The following HSPG2 variants were observed in gnomAD, a reference collection of about 807,000 sequenced individuals.
HSPG2 encodes the protein basement membrane-specific heparan sulfate proteoglycan core protein.
A neutral mutation model predicts 526.6 loss-of-function variants in HSPG2; 278 were observed. That is an observed-to-expected ratio of 0.53 (90% confidence interval 0.48 to 0.58). The LOEUF is 0.58. Among genes scored for constraint, HSPG2 ranks in the 20% least tolerant of loss-of-function variants. HSPG2 has a pLI of 0.00. For synonymous variants in HSPG2, 2,465 were observed against 2,555.4 expected (o/e 0.96, Z 1.07); for missense variants, 5,354 against 6,099.5 (o/e 0.88, Z 4.07).
chr1:21,834,714 C>T lies in HSPG2; in HGVS notation c.10685G>A (p.Gly3562Asp), dbSNP rs1249890156. Residue 3562 changes from glycine (G) to aspartate (D), a missense_variant, in exon 77 of 97, where the codon GGC becomes GAC. Coordinates refer to ENST00000374695, the MANE Select transcript of HSPG2 (RefSeq NM_005529.7). ...QYRCTATNAAGTTQSHVLLLV... is the reference protein window; with the variant it reads ...QYRCTATNAADTTQSHVLLLV... ...CAGCAGGACGTGGGATTGTGTGGTGCCAGCTGCGTTGGTGGCAGTGCAGCG... is the reference window on the plus strand; with the variant it reads ...CAGCAGGACGTGGGATTGTGTGGTGTCAGCTGCGTTGGTGGCAGTGCAGCG... 6.2e-7 allele frequency: 1 copy of T among 1,614,198 alleles called. No homozygotes were observed. The highest frequency in any genetic ancestry group is 2.2e-5 in the East Asian group (1 of 44,874).
intron 48 of HSPG2, 40 bp downstream of exon 48, chr1:21,854,808 G>A (rs1408841331): frequency 6.2e-7 from 1 of 1,613,006 alleles, no homozygotes; most frequent in South Asian, 1.1e-5. Flanking sequence ...GGGAGCCCTG[G>A]CTTGCCCTCC....
chr1:21,826,309 ATCC>A (rs1267049377), intron 91 of HSPG2, among the ~76,000 whole-genome samples: 1 of 151,854 alleles, frequency 6.6e-6, no homozygotes, highest in Non-Finnish European at 1.5e-5. Context: ...GGCTCAAGCA[ATCC>A]TCCTGCCTGT....
chr1:21,839,256 C>A lies in HSPG2; in HGVS notation c.9889+115G>T. 6.9e-7 allele frequency: 1 copy of A among 1,442,424 alleles called. No homozygotes were observed. Among genetic ancestry groups the A allele is most frequent in the Non-Finnish European group, 9.6e-7 (1 of 1,040,204 alleles). 89.4% of individuals were successfully genotyped at this position (1,442,424 alleles called of 1,614,324 possible). ...GTGTCGGGCAGGGCAGGCTCCAGGACCCTGCAGCGCCTGGAGACCTCTGGA... is the reference window on the plus strand; with the variant it reads ...GTGTCGGGCAGGGCAGGCTCCAGGAACCTGCAGCGCCTGGAGACCTCTGGA... On this transcript the variant is annotated intron_variant, in intron 73 of 96. Transcript: ENST00000374695. The surrounding 1 kb of genome is among the most constrained non-coding windows in gnomAD (Gnocchi z 4.5).
Position 21,873,067 on chromosome 1 carries a change from A to T in HSPG2, c.3818T>A (p.Ile1273Lys), listed in dbSNP as rs148626419. Residue 1273 changes from isoleucine (I) to lysine (K), a missense_variant, in exon 31 of 97, where the codon ATA (isoleucine) becomes AAA (lysine). By Grantham distance (102) the Ile-to-Lys change is moderately radical. Coordinates refer to ENST00000374695, the MANE Select transcript of HSPG2 (RefSeq NM_005529.7). ...CQRDSQVPGPIGCNCDPQGSV... is the reference protein window; with the variant it reads ...CQRDSQVPGPKGCNCDPQGSV... ...GCCTTGGGGGTCACAGTTGCAGCCT[A>T]TGGGCCCTGGCACCTGGCTGTCTCC... 1.2e-6 allele frequency: 2 copies of T among 1,602,232 alleles called. No homozygotes were observed. The highest frequency in any genetic ancestry group is 1.1e-5 in the South Asian group (1 of 91,084).
chr1:21,881,680 C>T lies in HSPG2; in HGVS notation c.1655-178G>A, dbSNP rs116507762. Among the ~76,000 whole-genome samples the T allele has an allele frequency of 2.7e-3, 413 of 152,152 alleles. 3 individuals are homozygous for T. Among genetic ancestry groups the T allele is most frequent in the African/African-American group, 9.2e-3 (381 of 41,506 alleles). On this transcript the variant is annotated intron_variant, in intron 13 of 96. Coordinates refer to ENST00000374695, the MANE Select transcript of HSPG2 (RefSeq NM_005529.7). ...GTTTTTTGCCGGGTGTGGTGGCTCACGCCTATAATGCCAGCACTTTGAGAG... is the reference window on the plus strand; with the variant it reads ...GTTTTTTGCCGGGTGTGGTGGCTCATGCCTATAATGCCAGCACTTTGAGAG...
At chr1:21,826,898 G>C (rs2097977839) in intron 91 of HSPG2, among the ~76,000 whole-genome samples, 1 of 152,140 alleles carries the variant, frequency 6.6e-6, no homozygotes, top group Non-Finnish European at 1.5e-5. Context: ...TAAGTGGCCG[G>C]GCGCGGTGGC....
chr1:21,926,281 T>C (rs1644188931), intron 1 of HSPG2, among the ~76,000 whole-genome samples: 2 of 152,128 alleles, frequency 1.3e-5, no homozygotes, highest in South Asian at 4.1e-4. Context: ...TGAGAAGGTG[T>C]CAGCACTCAG....
rs769076757 is a variant in HSPG2, at chr1:21,846,537, TCTCCCC to T, written c.8221_8226del (p.Gly2741_Glu2742del). 1 of 1,613,722 alleles carries T rather than the reference TCTCCCC, an allele frequency of 6.2e-7. No homozygotes were observed. On this transcript the variant is annotated inframe_deletion, in exon 63 of 97. Transcript: ENST00000374695. Reference sequence around the variant, plus strand: ...GGGACCACGCAGTTCAGATCCAGGGTCTCCCCTTCGGCCACGTGTGAGGAGGATGAC... The same window carrying T: ...GGGACCACGCAGTTCAGATCCAGGGTTTCGGCCACGTGTGAGGAGGATGAC...
intron 1 of HSPG2, among the ~76,000 whole-genome samples, chr1:21,896,939 GGA>G (rs1642793576): frequency 6.6e-6 from 1 of 152,192 alleles, no homozygotes; most frequent in African/African-American, 2.4e-5. Context: ...CCAGCAGCGC[GGA>G]GGCAGAGCTC....
intron 50 of HSPG2, 121 bp downstream of exon 50, chr1:21,854,072 G>A (rs547792583): frequency 3.7e-4 from 414 of 1,120,546 alleles, no homozygotes; most frequent in Middle Eastern, 4.1e-4. Flanking sequence ...CTGAGCAGGC[G>A]CTGAAGGGTC....
Position 21,874,457 on chromosome 1 carries a change from G to A in HSPG2, c.3605C>T (p.Thr1202Ile). 4 of 1,612,148 alleles carry A rather than the reference G, an allele frequency of 2.5e-6. No individual in the cohort carries two copies. Among genetic ancestry groups the A allele is most frequent in the Non-Finnish European group, 3.4e-6 (4 of 1,179,942 alleles). ...PGYYGDAQRG[T>I]PQDCQLCPCY... ...GGGGCACAGCTGGCAGTCCTGTGGT[G>A]TCCCCCGCTGGGCGTCCCCGTAGTA... Residue 1202 changes from threonine to isoleucine, a missense_variant, in exon 28 of 97, where the codon ACA becomes ATA. Physicochemically the swap from Thr to Ile is moderately conservative, Grantham distance 89. Transcript: ENST00000374695.
At chr1:21,834,600 C>G in intron 77 of HSPG2, 79 bp downstream of exon 77, 1 of 1,517,350 alleles carries the variant, frequency 6.6e-7, no homozygotes, top group South Asian at 1.1e-5. Flanking sequence ...AAGAGCAGAG[C>G]GGGCAGGCAG....
rs1639215476 is a variant in HSPG2, at chr1:21,854,944, G to A, written c.6037C>T (p.Pro2013Ser). The stretch of plus-strand genomic sequence containing the variant: ...CCGGCGTCAGCAGTCGTGATGGCTG[G>A]GATGAGCAGTGTCGCGATGTCTGTG... The part of the protein sequence containing the change: ...ERTDIATLLI[P>S]AITTADAGFY... The change falls in exon 48 of 97, where the codon CCA (proline) becomes TCA (serine). Residue 2013 changes from proline to serine, a missense_variant. Pro to Ser is a moderately conservative substitution (Grantham distance 74, BLOSUM62 -1). Coordinates refer to ENST00000374695, the MANE Select transcript of HSPG2 (RefSeq NM_005529.7). 1 of 1,613,904 alleles carries A rather than the reference G, an allele frequency of 6.2e-7. No homozygotes were observed. The highest frequency in any genetic ancestry group is 1.1e-5 in the South Asian group (1 of 91,092).
At chr1:21,906,261 G>A (rs574791607) in intron 1 of HSPG2, among the ~76,000 whole-genome samples, 44 of 152,360 alleles carry the variant, frequency 2.9e-4, no homozygotes, top group Middle Eastern at 6.8e-3. Flanking sequence ...CCGGAGGGGT[G>A]GGTGGGGGCC....
At chr1:21,834,082 G>A (rs1050594163) in intron 77 of HSPG2, among the ~76,000 whole-genome samples, 157 bp from the exon 78 acceptor site, 2 of 152,198 alleles carry the variant, frequency 1.3e-5, no homozygotes, top group South Asian at 2.1e-4. Context: ...GGGGAAAAGC[G>A]GCTGTTTGCT....
chr1:21,850,268 G>A (rs1419114003), intron 56 of HSPG2, 76 bp from the exon 57 acceptor site: 10 of 1,610,866 alleles, frequency 6.2e-6, no homozygotes, highest in Non-Finnish European at 8.5e-6. Context: ...CAAGGCAGGT[G>A]CAGTCTGCGG....
At chr1:21,851,393 C>T (rs1447770219) in intron 55 of HSPG2, 153 bp downstream of exon 55, 1 of 1,120,840 alleles carries the variant, frequency 8.9e-7, no homozygotes, top group Non-Finnish European at 1.3e-6. Flanking sequence ...TTAGTCAGTC[C>T]TAGATTCTGG....
intron 67 of HSPG2, 68 bp from the exon 68 acceptor site, chr1:21,842,448 A>G: frequency 6.8e-7 from 1 of 1,479,358 alleles, no homozygotes; most frequent in Non-Finnish European, 9.0e-7. Flanking sequence ...CCCAAGCCCA[A>G]CTGTGCCGGT....
At chr1:21,827,822 G>C (rs2097983079) in intron 91 of HSPG2, 41 bp downstream of exon 91, 1 of 1,553,412 alleles carries the variant, frequency 6.4e-7, no homozygotes, top group Non-Finnish European at 8.7e-7. Context: ...GGAAGAGTGA[G>C]CTGAGCTGAA....
Sources: gnomAD v4.1 joint callset for allele counts (sites outside exome capture counted in the v4.1 genomes callset) on GRCh38, gnomAD v4.1.1 for gene constraint, Gnocchi (gnomAD v3.1) non-coding constraint, MANE v1.5 for transcripts, NCBI Gene and HGNC (gene_info 2026-07-23, HGNC 2026-07-21) for gene names.